The following PCDHGB4 variants were observed in gnomAD, a reference collection of about 807,000 sequenced individuals.
PCDHGB4 encodes the protein protocadherin gamma subfamily B, 4.
A neutral mutation model predicts 60.5 loss-of-function variants in PCDHGB4; 38 were observed. The ratio of observed to expected loss-of-function variants is 0.63; its 90% CI spans 0.48 to 0.82. PCDHGB4 has a LOEUF of 0.82. Among genes scored for constraint, PCDHGB4 ranks in the 40% least tolerant of loss-of-function variants. The pLI, the probability that PCDHGB4 is intolerant of heterozygous loss-of-function variation, is 0.00. For missense variants in PCDHGB4, 1,109 were observed against 1,209.6 expected, an observed-to-expected ratio of 0.92 and a Z score of 1.23; for synonymous variants, 456 against 509.7, an observed-to-expected ratio of 0.89 and a Z score of 1.42.
chr5:141,417,805 G>T, intron 1 of PCDHGB4: 1 of 1,499,292 alleles, frequency 6.7e-7, no homozygotes. Flanking sequence ...TAGCGCGGTA[G>T]AGTGCACTTT....
At chr5:141,409,437 G>A in intron 1 of PCDHGB4, 1 of 1,613,968 alleles carries the variant, frequency 6.2e-7, no homozygotes, top group Non-Finnish European at 8.5e-7. Context: ...GCCCTGGACC[G>A]AGAGCAGACA....
intron 1 of PCDHGB4, 61 bp downstream of exon 1, chr5:141,390,342 G>A (rs1484978612): frequency 6.3e-7 from 1 of 1,581,534 alleles, no homozygotes; most frequent in Non-Finnish European, 8.6e-7. Context: ...ATATTCACAA[G>A]AAAATATACA....
At position 141,431,321 on chromosome 5, in the gene PCDHGB4, G is replaced by T. The variant is rs112186927; in HGVS notation, c.2397+41040G>T. 1,258 of 1,614,054 alleles carry T rather than the reference G, an allele frequency of 7.8e-4. 11 individuals are homozygous for T. In the African/African-American group the frequency reaches 0.014, roughly 18 times the overall value. Reference sequence around the variant, plus strand: ...CCTCATCGTGCAAAATGGAGCCGACGGTAGTAAGTACCCCGAATTGGTGCT... The same window carrying T: ...CCTCATCGTGCAAAATGGAGCCGACTGTAGTAAGTACCCCGAATTGGTGCT... On this transcript the variant is annotated intron_variant, in intron 1 of 3. Transcript: ENST00000519479. This position sits in a 1 kb window ranked among gnomAD's most constrained non-coding sequence, Gnocchi z 4.8.
rs115990854 is a variant in PCDHGB4 at position 141,433,033 on chromosome 5, C to T, written c.2397+42752C>T. On this transcript the variant is annotated intron_variant, in intron 1 of 3. Coordinates refer to ENST00000519479, the MANE Select transcript of PCDHGB4 (RefSeq NM_003736.4). ...TGCAGACCTATTCCCACGAGGTTTC[C>T]CTCACCACGGACTCGCGGAAGAGTC... The T allele has an allele frequency of 6.4e-3, 10,342 of 1,614,162 alleles. 43 individuals are homozygous for T. The highest frequency in any genetic ancestry group is 8.6e-3 in the Middle Eastern group (52 of 6,062).
In PCDHGB4 at chr5:141,485,778, G is replaced by A. The variant is rs575586552; in HGVS notation, c.2398-9029G>A. On this transcript the variant is annotated intron_variant, in intron 1 of 3. Coordinates refer to ENST00000519479, the MANE Select transcript of PCDHGB4 (RefSeq NM_003736.4). The surrounding 1 kb of genome is among the most constrained non-coding windows in gnomAD (Gnocchi z 5.7). ...CTGCTCCTGGAGAAGCCTTTGGATC[G>A]AGAGAAGCAATCGGACTACCGCCTG... is the stretch of plus-strand genomic sequence containing the variant. The A allele has an allele frequency of 1.2e-6, 2 of 1,614,216 alleles. No individual in the cohort carries two copies. Among genetic ancestry groups the A allele is most frequent in the Admixed American group, 1.7e-5 (1 of 60,028 alleles).
chr5:141,449,842 A>G (rs893220311), intron 1 of PCDHGB4, among the ~76,000 whole-genome samples: 4 of 151,700 alleles, frequency 2.6e-5, no homozygotes, highest in Non-Finnish European at 4.4e-5. Flanking sequence ...TTATATAATT[A>G]AATTTTAATA....
At position 141,486,882 on chromosome 5, in the gene PCDHGB4, C is replaced by T; in HGVS notation, c.2398-7925C>T. The T allele has an allele frequency of 6.2e-7, 1 of 1,614,244 alleles. No individual in the cohort carries two copies. The highest frequency in any genetic ancestry group is 1.1e-5 in the South Asian group (1 of 91,086). On this transcript the variant is annotated intron_variant, in intron 1 of 3. Transcript: ENST00000519479. This position sits in a 1 kb window ranked among gnomAD's most constrained non-coding sequence, Gnocchi z 5.0. ...GCTCCAGCTGTGCTCCGTCCTCGGG[C>T]CCGGCCTGGTTCCTTATGTCCCCAA...
At chr5:141,419,239 C>A in intron 1 of PCDHGB4, 3 of 1,614,008 alleles carry the variant, frequency 1.9e-6, no homozygotes, top group Non-Finnish European at 2.5e-6. Flanking sequence ...ACCTGGTCCA[C>A]GTGCCAGAAA....
chr5:141,431,401 C>T lies in PCDHGB4; in HGVS notation c.2397+41120C>T. ...CTGCTCACCACCTGGTCCTTACGGC[C>T]TCCGACGGGGGCGACCCGGTGCGCA... On this transcript the variant is annotated intron_variant, in intron 1 of 3. Transcript: ENST00000519479. The surrounding 1 kb of genome is among the most constrained non-coding windows in gnomAD (Gnocchi z 4.8). 2 of 1,613,800 alleles carry T rather than the reference C, an allele frequency of 1.2e-6. No homozygotes were observed. Among genetic ancestry groups the T allele is most frequent in the Admixed American group, 1.7e-5 (1 of 60,036 alleles).
chr5:141,392,273 G>A (rs1037062086), intron 1 of PCDHGB4: 3 of 152,178 alleles, frequency 2.0e-5, no homozygotes, highest in Admixed American at 2.0e-4. Flanking sequence ...TTACAATAAA[G>A]CTTAGAGCAC....
At chr5:141,435,435 T>G (rs2097763289) in intron 1 of PCDHGB4, among the ~76,000 whole-genome samples, 1 of 152,212 alleles carries the variant, frequency 6.6e-6, no homozygotes. Context: ...TGTTATGCAT[T>G]TCATTAATAC....
At position 141,431,106 on chromosome 5, in the gene PCDHGB4, T is replaced by C. The variant is rs566174531; in HGVS notation, c.2397+40825T>C. 25 of 1,614,108 alleles carry C rather than the reference T, an allele frequency of 1.5e-5. No homozygotes were observed. In the South Asian group the frequency reaches 2.7e-4, roughly 18 times the overall value. On this transcript the variant is annotated intron_variant, in intron 1 of 3. Transcript: ENST00000519479. This position sits in a 1 kb window ranked among gnomAD's most constrained non-coding sequence, Gnocchi z 4.8. ...ATTCTGATGGAGGATAAAGTGAAAA[T>C]ATATGGAGTAGAAGTAGAAGTAAGG...
At chr5:141,414,161 GA>G (rs1351073953) in intron 1 of PCDHGB4, 1 of 1,603,276 alleles carries the variant, frequency 6.2e-7, no homozygotes, top group Admixed American at 1.7e-5. Context: ...GAAGATGGAG[GA>G]GCATATCTTG....
intron 1 of PCDHGB4, among the ~76,000 whole-genome samples, chr5:141,470,896 T>C (rs1370454369): frequency 6.6e-6 from 1 of 151,980 alleles, no homozygotes; most frequent in Non-Finnish European, 1.5e-5. Context: ...TTTTGTTTTT[T>C]GTAGAGATGG....
At chr5:141,463,741 C>T (rs1011021860) in intron 1 of PCDHGB4, among the ~76,000 whole-genome samples, 3 of 152,034 alleles carry the variant, frequency 2.0e-5, no homozygotes, top group Admixed American at 1.3e-4. Context: ...CCACCGCGCC[C>T]GGCCTGCTTC....
At chr5:141,434,553 G>T (rs1203568173) in intron 1 of PCDHGB4, among the ~76,000 whole-genome samples, 1 of 152,202 alleles carries the variant, frequency 6.6e-6, no homozygotes, top group Admixed American at 6.5e-5. Flanking sequence ...AGTGATCTGT[G>T]CCTTAAGGAC....
In PCDHGB4 at chr5:141,408,826, T is replaced by C. The variant is rs138252575; in HGVS notation, c.2397+18545T>C. ...TAGACCGGGAAGAACAGAGATCTCA[T>C]AGCTTGATATTGACTGCCTTGGACG... On this transcript the variant is annotated intron_variant, in intron 1 of 3. Coordinates refer to ENST00000519479, the MANE Select transcript of PCDHGB4 (RefSeq NM_003736.4). The C allele has an allele frequency of 6.1e-5, 98 of 1,613,582 alleles. No homozygotes were observed. The African/African-American group carries it at 9.9e-4, about 16-fold the overall frequency.
At chr5:141,394,224 A>G (rs375614946) in intron 1 of PCDHGB4, 380 of 1,613,788 alleles carry the variant, frequency 2.4e-4, no homozygotes, top group Middle Eastern at 1.3e-3. Context: ...AGGAGCCTCC[A>G]TCTTTTCCTT....
chr5:141,421,403 A>G, intron 1 of PCDHGB4: 1 of 1,614,054 alleles, frequency 6.2e-7, no homozygotes, highest in Non-Finnish European at 8.5e-7. Context: ...GAGCCCCGGG[A>G]GCTGGCGAAG....
Sources: gnomAD v4.1 joint callset for allele counts (sites outside exome capture counted in the v4.1 genomes callset) on GRCh38, gnomAD v4.1.1 for gene constraint, Gnocchi (gnomAD v3.1) non-coding constraint, MANE v1.5 for transcripts, NCBI Gene and HGNC (gene_info 2026-07-23, HGNC 2026-07-21) for gene names.